Variants in LDHB observed in about 807,000 individuals in gnomAD.
LDHB encodes lactate dehydrogenase B.
Under a neutral mutation model 33.4 loss-of-function variants are expected in LDHB, and 18 were observed. The observed-to-expected ratio is 0.54, with a 90% CI of 0.37 to 0.80. The LOEUF (loss-of-function observed/expected upper bound fraction) is 0.80. Ranked by LOEUF, LDHB falls within the 30% of genes least tolerant of loss-of-function variation. LDHB has a pLI of 0.00. For missense variants in LDHB, 345 were observed against 407.9 expected, an observed-to-expected ratio of 0.85 and a Z score of 1.33; for synonymous variants, 121 against 140.6, an observed-to-expected ratio of 0.86 and a Z score of 0.98.
At chr12:21,644,902 T>C (rs1416647502) in intron 3 of LDHB, among the ~76,000 whole-genome samples, 3 of 152,180 alleles carry the variant, frequency 2.0e-5, no homozygotes, top group Non-Finnish European at 4.4e-5. Context: ...ACATAATAGC[T>C]ATTATTTAGT....
Position 21,648,863 on chromosome 12 carries a change from G to A in LDHB, c.130-1847C>T, listed in dbSNP as rs373163161. Among the ~76,000 whole-genome samples the A allele has an allele frequency of 1.4e-4, 21 of 152,302 alleles. No homozygotes were observed. The East Asian group carries it at 1.5e-3, about 11-fold the overall frequency. On this transcript the variant is annotated intron_variant, in intron 2 of 7. Coordinates refer to ENST00000350669, the MANE Select transcript of LDHB (RefSeq NM_002300.8). ...TGACTGAATGTGTCCTTAGCTCTGA[G>A]CAACCAAATTACTTGCAGATTTTTG...
At chr12:21,645,289 TC>T (rs1337697614) in intron 3 of LDHB, among the ~76,000 whole-genome samples, 3 of 152,062 alleles carry the variant, frequency 2.0e-5, no homozygotes, top group African/African-American at 7.2e-5. Flanking sequence ...CCAAGGTTTC[TC>T]CCCACGTGAT....
At chr12:21,641,746 A>G (rs1365072384) in intron 5 of LDHB, among the ~76,000 whole-genome samples, 3 of 152,136 alleles carry the variant, frequency 2.0e-5, no homozygotes, top group Non-Finnish European at 2.9e-5. Context: ...TGCTTAATTG[A>G]TCAAGGTAAA....
intron 2 of LDHB, among the ~76,000 whole-genome samples, chr12:21,653,546 G>A (rs1396964533): frequency 1.3e-5 from 2 of 152,068 alleles, no homozygotes; most frequent in Non-Finnish European, 2.9e-5. Context: ...TTCTCAAATG[G>A]TTCCAGCCAT....
chr12:21,644,596 C>T (rs1022965830), intron 3 of LDHB, among the ~76,000 whole-genome samples: 10 of 152,058 alleles, frequency 6.6e-5, no homozygotes, highest in Admixed American at 5.2e-4. Flanking sequence ...TGCTTTTTAG[C>T]GCTGCAAGTT....
intron 2 of LDHB, among the ~76,000 whole-genome samples, chr12:21,650,957 A>G (rs572384657): frequency 7.1e-4 from 108 of 152,368 alleles, no homozygotes; most frequent in African/African-American, 2.5e-3. Flanking sequence ...AGTTTATTTT[A>G]TATCGGAAGG....
intron 2 of LDHB, among the ~76,000 whole-genome samples, chr12:21,654,071 A>G (rs114777238): frequency 9.0e-4 from 137 of 152,334 alleles, no homozygotes; most frequent in African/African-American, 3.1e-3. Context: ...AATTACAAGA[A>G]AACATCAGAC....
intron 6 of LDHB, 39 bp from the exon 7 acceptor site, chr12:21,637,233 C>T (rs778990845): frequency 3.3e-6 from 5 of 1,516,896 alleles, no homozygotes; most frequent in African/African-American, 1.4e-5. Context: ...AAATAAGACT[C>T]AATCATTATT....
At chr12:21,647,102 A>C in intron 2 of LDHB, 86 bp from the exon 3 acceptor site, 1 of 772,470 alleles carries the variant, frequency 1.3e-6, no homozygotes, top group Non-Finnish European at 2.3e-6. Flanking sequence ...GATCTTTAAC[A>C]TGGCTAAGCA....
chr12:21,648,038 GAA>G (rs10716782), intron 2 of LDHB, among the ~76,000 whole-genome samples: 8 of 151,516 alleles, frequency 5.3e-5, no homozygotes, highest in South Asian at 2.1e-4. Context: ...TGAAAGAAAG[GAA>G]AAAAAAAAGG....
At chr12:21,641,879 T>C in intron 5 of LDHB, 73 bp downstream of exon 5, 1 of 1,310,968 alleles carries the variant, frequency 7.6e-7, no homozygotes, top group Non-Finnish European at 1.1e-6. Flanking sequence ...AAAAATAAAA[T>C]TTGAAATAAA....
At chr12:21,643,106 A>C (rs1616505) in intron 4 of LDHB, among the ~76,000 whole-genome samples, 7 of 152,078 alleles carry the variant, frequency 4.6e-5, no homozygotes, top group African/African-American at 1.5e-4. Context: ...CTTGGTTTGC[A>C]GAAGTAAAAA....
intron 2 of LDHB, 57 bp downstream of exon 2, chr12:21,654,486 A>G (rs771263360): frequency 1.8e-5 from 28 of 1,556,626 alleles, no homozygotes; most frequent in Non-Finnish European, 2.4e-5. Context: ...AGGTGCCCAA[A>G]GAAACTGTGT....
intron 2 of LDHB, 94 bp from the exon 3 acceptor site, chr12:21,647,110 G>T: frequency 1.3e-6 from 1 of 745,738 alleles, no homozygotes; most frequent in Non-Finnish European, 2.4e-6. Context: ...ACATGGCTAA[G>T]CACCAAAGAT....
chr12:21,654,249 G>A, intron 2 of LDHB: 1 of 382,522 alleles, frequency 2.6e-6, no homozygotes, highest in Non-Finnish European at 4.9e-6. Context: ...TAAACGGCAT[G>A]ATTTTGACAA....
intron 1 of LDHB, 155 bp downstream of exon 1, chr12:21,657,596 A>G (rs74069327): frequency 0.031 from 4,760 of 152,620 alleles, 228 homozygotes; most frequent in African/African-American, 0.11. Flanking sequence ...CTGAGCGGCA[A>G]AGTCAGGGCC....
chr12:21,653,735 A>G (rs965464590), intron 2 of LDHB, among the ~76,000 whole-genome samples: 62 of 152,208 alleles, frequency 4.1e-4, no homozygotes, highest in Admixed American at 4.0e-3. Flanking sequence ...TGAATTATTT[A>G]TGAAAGTTTT....
chr12:21,653,356 G>T (rs1938747489), intron 2 of LDHB, among the ~76,000 whole-genome samples: 1 of 152,130 alleles, frequency 6.6e-6, no homozygotes, highest in African/African-American at 2.4e-5. Flanking sequence ...AGCCAGTACT[G>T]AATCTAGAGA....
rs977721300 is a variant in LDHB at position 21,657,815 on chromosome 12, G to A, written c.-71C>T. 6.6e-6 allele frequency: 1 copy of A among 152,498 alleles called. No homozygotes were observed. The highest frequency in any genetic ancestry group is 1.5e-5 in the Non-Finnish European group (1 of 68,254). The allele number at this position is 152,498 out of a possible 1,614,324, so 9.4% of individuals were successfully genotyped here. Reference sequence around the variant, plus strand: ...GCGGAGAAGACAAAGTCAGCTGCGTGCGTCTCCTCCGGCGCCGGCTCTGCA... The same window carrying A: ...GCGGAGAAGACAAAGTCAGCTGCGTACGTCTCCTCCGGCGCCGGCTCTGCA... On this transcript the variant is annotated 5_prime_UTR_variant, in exon 1 of 8. Transcript: ENST00000350669.
Sources: gnomAD v4.1 joint callset for allele counts (sites outside exome capture counted in the v4.1 genomes callset) on GRCh38, gnomAD v4.1.1 for gene constraint, MANE v1.5 for transcripts, NCBI Gene and HGNC (gene_info 2026-07-23, HGNC 2026-07-21) for gene names.